Variants in GRAP2 observed in about 807,000 individuals in gnomAD.
GRAP2 encodes GRB2 related adaptor protein 2.
A neutral mutation model predicts 43.5 loss-of-function variants in GRAP2; 31 were observed. That is an observed-to-expected ratio of 0.71 (90% confidence interval 0.54 to 0.96). GRAP2 has a LOEUF of 0.96. Ranked by LOEUF, GRAP2 falls within the 40% of genes least tolerant of loss-of-function variation. The pLI, the probability that GRAP2 is intolerant of heterozygous loss-of-function variation, is 0.00. For missense variants in GRAP2, 371 were observed against 424.4 expected (o/e 0.87, Z 1.11); for synonymous variants, 156 against 164.8 (o/e 0.95, Z 0.41).
At chr22:39,920,436 C>G (rs1328089944) in intron 1 of GRAP2, among the ~76,000 whole-genome samples, 2 of 152,184 alleles carry the variant, frequency 1.3e-5, no homozygotes, top group Admixed American at 6.5e-5. Context: ...TCATTCCCAC[C>G]CTTCTCACGG....
rs1395271648 is a variant in GRAP2, at chr22:39,973,658, A to G, written c.*2574A>G. On this transcript the variant is annotated 3_prime_UTR_variant, in exon 8 of 8. Transcript: ENST00000344138. ...AGAGGACAAGAACCAAACTGTCCAC[A>G]TTATGGAGGGGAGGGGGAAAGAGAG... The G allele has an allele frequency of 6.6e-6, 1 of 152,254 alleles. No homozygotes were observed. The highest frequency in any genetic ancestry group is 6.5e-5 in the Admixed American group (1 of 15,272). The allele number at this position is 152,254 out of a possible 1,614,324, so 9.4% of individuals were successfully genotyped here. A position where few individuals can be genotyped will look rare whatever the true frequency, so the allele number is the denominator to read the frequency against.
intron 7 of GRAP2, among the ~76,000 whole-genome samples, chr22:39,970,259 T>C (rs1350188040): frequency 6.6e-6 from 1 of 152,064 alleles, no homozygotes; most frequent in African/African-American, 2.4e-5. Context: ...AGGTATATTA[T>C]TTGTAGCGAT....
intron 4 of GRAP2, among the ~76,000 whole-genome samples, chr22:39,962,147 G>A (rs1207348849): frequency 6.6e-6 from 1 of 152,218 alleles, no homozygotes; most frequent in Admixed American, 6.5e-5. Flanking sequence ...TCAGGGTCGG[G>A]CGCCGTGGCT....
At chr22:39,907,691 G>A (rs968223217) in intron 1 of GRAP2, among the ~76,000 whole-genome samples, 18 of 151,978 alleles carry the variant, frequency 1.2e-4, no homozygotes, top group East Asian at 1.9e-4. Flanking sequence ...GCAGTAAGCC[G>A]TGTTCACACC....
chr22:39,930,618 T>C (rs1395387797), intron 1 of GRAP2, among the ~76,000 whole-genome samples: 1 of 152,252 alleles, frequency 6.6e-6, no homozygotes, highest in African/African-American at 2.4e-5. Context: ...CGGTTCACCC[T>C]GCCCTCCATT....
At chr22:39,958,441 A>G (rs2067081499) in intron 3 of GRAP2, among the ~76,000 whole-genome samples, 1 of 152,068 alleles carries the variant, frequency 6.6e-6, no homozygotes, top group Non-Finnish European at 1.5e-5. Context: ...CCTCGACTAG[A>G]ATGTAAGCTC....
At chr22:39,914,900 C>T (rs1476990924) in intron 1 of GRAP2, among the ~76,000 whole-genome samples, 4 of 151,912 alleles carry the variant, frequency 2.6e-5, no homozygotes, top group South Asian at 2.1e-4. Context: ...AAAAAATATT[C>T]ATTTTAGGCC....
chr22:39,894,109 A>G, the GRAP2 span, among the ~76,000 whole-genome samples: 4 of 152,118 alleles, frequency 2.6e-5, no homozygotes, highest in African/African-American at 9.7e-5. Context: ...AAAAAATGCC[A>G]AGGTAAGCTG....
At chr22:39,926,566 C>T (rs80160855) in intron 1 of GRAP2, 4 of 981,304 alleles carry the variant, frequency 4.1e-6, no homozygotes, top group Non-Finnish European at 4.8e-6. Context: ...ATGGTTTTTT[C>T]TACATGCTCT....
chr22:39,932,548 C>CAAAAAAAAAAA (rs137982), intron 1 of GRAP2, among the ~76,000 whole-genome samples: 2 of 43,416 alleles, frequency 4.6e-5, no homozygotes, highest in Admixed American at 2.8e-4. Context: ...CCTGTCTCTA[C>CAAAAAAAAAAA]AAAAAAAAAA....
rs1189200477 is a variant in GRAP2, at chr22:39,960,124, C to T, written c.240C>T (p.Phe80=). 2 of 1,613,062 alleles carry T rather than the reference C, an allele frequency of 1.2e-6. No individual in the cohort carries two copies. Among genetic ancestry groups the T allele is most frequent in the Non-Finnish European group, 1.7e-6 (2 of 1,179,092 alleles). The change falls in exon 4 of 8, where the codon TTC becomes TTT. Residue 80 remains phenylalanine (F), a synonymous_variant. Transcript: ENST00000344138. ...NLLMGKEVGF[F]IIRASQSSPG... ...TCATGGGCAAGGAGGTTGGCTTCTT[C>T]ATCATCCGGGCCAGCCAGAGCTCCC...
chr22:39,894,117 CTGATAATGTTTTTA>C, the GRAP2 span, among the ~76,000 whole-genome samples: 1 of 151,094 alleles, frequency 6.6e-6, no homozygotes, highest in Non-Finnish European at 1.5e-5. Flanking sequence ...CCAAGGTAAG[CTGATAATGTTTTTA>C]AAAAGTAGAC....
intron 2 of GRAP2, among the ~76,000 whole-genome samples, chr22:39,954,676 C>T (rs778334967): frequency 1.1e-4 from 16 of 152,068 alleles, no homozygotes; most frequent in East Asian, 1.9e-4. Context: ...ATTACAGGCG[C>T]GAGCCACCAC....
At chr22:39,957,013 G>T (rs2067060665) in intron 3 of GRAP2, among the ~76,000 whole-genome samples, 1 of 152,160 alleles carries the variant, frequency 6.6e-6, no homozygotes, top group Non-Finnish European at 1.5e-5. Context: ...AGAGAAGTCA[G>T]CGGGGGGAAG....
At chr22:39,962,924 C>T (rs2067134629) in intron 4 of GRAP2, among the ~76,000 whole-genome samples, 1 of 152,100 alleles carries the variant, frequency 6.6e-6, no homozygotes, top group African/African-American at 2.4e-5. Flanking sequence ...CCGCCTCAGC[C>T]TCCCAAAGTG....
chr22:39,932,169 G>A (rs1295484229), intron 1 of GRAP2, among the ~76,000 whole-genome samples: 1 of 152,192 alleles, frequency 6.6e-6, no homozygotes, highest in Non-Finnish European at 1.5e-5. Context: ...AAGATCAAAC[G>A]AGTCCTTGCT....
upstream of GRAP2, among the ~76,000 whole-genome samples, chr22:39,899,757 C>T (rs1201818147): frequency 2.6e-5 from 4 of 151,708 alleles, no homozygotes; most frequent in African/African-American, 4.8e-5. Flanking sequence ...TTGAGGCGGG[C>T]GGATCATCTG....
chr22:39,907,029 G>C (rs894992313), intron 1 of GRAP2, among the ~76,000 whole-genome samples: 5 of 152,126 alleles, frequency 3.3e-5, no homozygotes, highest in South Asian at 2.1e-4. Context: ...AGCTGAAAAG[G>C]CTCTCCTCCG....
intron 2 of GRAP2, among the ~76,000 whole-genome samples, chr22:39,952,876 T>C (rs2067001768): frequency 6.6e-6 from 1 of 152,192 alleles, no homozygotes; most frequent in African/African-American, 2.4e-5. Flanking sequence ...GCTCATTTGA[T>C]CCTCACATCA....
Sources: gnomAD v4.1 joint callset for allele counts (sites outside exome capture counted in the v4.1 genomes callset) on GRCh38, gnomAD v4.1.1 for gene constraint, MANE v1.5 for transcripts, NCBI Gene and HGNC (gene_info 2026-07-23, HGNC 2026-07-21) for gene names.